Variants in TMEM150A observed in about 807,000 individuals in gnomAD.
TMEM150A encodes transmembrane protein 150A.
TMEM150A carries 18 observed loss-of-function variants against 29.8 expected under a neutral mutation model. The ratio of observed to expected loss-of-function variants is 0.60; its 90% confidence interval spans 0.42 to 0.90. TMEM150A has a LOEUF of 0.90. Among genes scored for constraint, TMEM150A ranks in the 40% least tolerant of loss-of-function variants. The probability of loss-of-function intolerance (pLI) is 0.00; values close to 1 mark genes in which losing one functional copy is unlikely to be tolerated. For synonymous variants in TMEM150A, 127 were observed against 143.6 expected (o/e 0.88, Z 0.83); for missense variants, 251 against 349.7 (o/e 0.72, Z 2.25).
Position 85,602,053 on chromosome 2 carries a change from A to G in TMEM150A, c.-105T>C. On this transcript the variant is annotated 5_prime_UTR_variant, in exon 2 of 8. Transcript: ENST00000334462. The surrounding 1 kb of genome is among the most constrained non-coding windows in gnomAD (Gnocchi z 5.6). ...TTGAGATGTTTCTGCCACAACCATC[A>G]GCTGTCCTGGCCTGGTGGAGAGAGA... The G allele has an allele frequency of 2.0e-6, 2 of 1,015,898 alleles. No homozygotes were observed. Among genetic ancestry groups the G allele is most frequent in the East Asian group, 4.8e-5 (2 of 41,764 alleles). 62.9% of individuals were successfully genotyped at this position (1,015,898 alleles called of 1,614,324 possible).
Position 85,602,010 on chromosome 2 carries a change from G to C in TMEM150A, c.-62C>G. The C allele has an allele frequency of 3.5e-6, 5 of 1,439,238 alleles. No individual in the cohort carries two copies. In the Admixed American group the frequency reaches 6.7e-5, roughly 19 times the overall value. 89.2% of individuals were successfully genotyped at this position (1,439,238 alleles called of 1,614,324 possible). ...GAGGACAAGAGGTAGATGGGGAAGTGGGGGCGGACCAGCTACCTTGAGATG... is the reference window on the plus strand; with the variant it reads ...GAGGACAAGAGGTAGATGGGGAAGTCGGGGCGGACCAGCTACCTTGAGATG... On this transcript the variant is annotated 5_prime_UTR_variant, in exon 2 of 8. Transcript: ENST00000334462. The surrounding 1 kb of genome is among the most constrained non-coding windows in gnomAD (Gnocchi z 5.6).
intron 5 of TMEM150A, 29 bp downstream of exon 5, chr2:85,600,316 G>T: frequency 6.2e-7 from 1 of 1,612,036 alleles, no homozygotes; most frequent in Non-Finnish European, 8.5e-7. Flanking sequence ...GGCTGGGCAC[G>T]CAGGGTCAGG....
chr2:85,599,002 T>C lies in TMEM150A; in HGVS notation c.*74A>G, dbSNP rs1034680723. 1.5e-5 allele frequency: 24 copies of C among 1,564,110 alleles called. No individual in the cohort carries two copies. In the East Asian group the frequency reaches 3.2e-4, roughly 21 times the overall value. Reference sequence around the variant, plus strand: ...ACAGAATACTTTCTCAAAATTGTTTTTGGTACGAAATAAATGGAAAGAAGA... The same window carrying C: ...ACAGAATACTTTCTCAAAATTGTTTCTGGTACGAAATAAATGGAAAGAAGA... On this transcript the variant is annotated 3_prime_UTR_variant, in exon 8 of 8. Transcript: ENST00000334462. The surrounding 1 kb of genome is among the most constrained non-coding windows in gnomAD (Gnocchi z 6.0).
intron 5 of TMEM150A, 92 bp from the exon 6 acceptor site, chr2:85,600,110 C>G (rs988308910): frequency 1.9e-6 from 3 of 1,542,644 alleles, no homozygotes; most frequent in African/African-American, 2.7e-5. Flanking sequence ...GGTGCTCCTG[C>G]CCCTTCTGAG....
rs566810690 is a variant in TMEM150A, at chr2:85,601,981, G to A, written c.-33C>T. The A allele has an allele frequency of 1.1e-5, 18 of 1,611,808 alleles. No homozygotes were observed. Among genetic ancestry groups the A allele is most frequent in the Middle Eastern group, 1.7e-4 (1 of 6,054 alleles). ...GGGAGCCAGGGTGGTGGTGGTGTTG[G>A]GGGGAGGACAAGAGGTAGATGGGGA... On this transcript the variant is annotated 5_prime_UTR_variant, in exon 2 of 8. Transcript: ENST00000334462. The surrounding 1 kb of genome is among the most constrained non-coding windows in gnomAD (Gnocchi z 4.0).
Position 85,599,455 on chromosome 2 carries a change from C to T in TMEM150A, c.574+70G>A. The T allele has an allele frequency of 5.7e-6, 9 of 1,567,840 alleles. No homozygotes were observed. Among genetic ancestry groups the T allele is most frequent in the Non-Finnish European group, 7.8e-6 (9 of 1,157,024 alleles). ...CATGGCAGTGTTAGGCCTCCACCCC[C>T]CATCCTCTTGGGAGGGAGAAAGGTT... On this transcript the variant is annotated intron_variant, in intron 7 of 7. Transcript: ENST00000334462. This position sits in a 1 kb window ranked among gnomAD's most constrained non-coding sequence, Gnocchi z 6.0.
chr2:85,602,085 T>G lies in TMEM150A; in HGVS notation c.-116-21A>C. 1 of 746,406 alleles carries G rather than the reference T, an allele frequency of 1.3e-6. No individual in the cohort carries two copies. The allele number at this position is 746,406 out of a possible 1,614,324, so 46.2% of individuals were successfully genotyped here. On this transcript the variant is annotated intron_variant, in intron 1 of 7. Transcript: ENST00000334462. This position sits in a 1 kb window ranked among gnomAD's most constrained non-coding sequence, Gnocchi z 5.6. ...CTGGCCTGGTGGAGAGAGATCAAAG[T>G]CCAGGAGTGGGTAACTGGCCGGGAA...
In TMEM150A at chr2:85,599,815, C is replaced by A; in HGVS notation, c.396+76G>T. On this transcript the variant is annotated intron_variant, in intron 6 of 7. Transcript: ENST00000334462. This position sits in a 1 kb window ranked among gnomAD's most constrained non-coding sequence, Gnocchi z 6.0. ...TTCCTCTCCCTCTTTCCAGCCCCAA[C>A]CTTGAGGTGCCACACTGCAGGCAGC... 3.1e-6 allele frequency: 5 copies of A among 1,608,276 alleles called. No homozygotes were observed. The highest frequency in any genetic ancestry group is 2.2e-5 in the East Asian group (1 of 44,806).
Position 85,599,324 on chromosome 2 carries a change from C to G in TMEM150A, c.575-7G>C, listed in dbSNP as rs753227104. On this transcript the variant is annotated splice_polypyrimidine_tract_variant and splice_region_variant and intron_variant, in intron 7 of 7. Transcript: ENST00000334462. The surrounding 1 kb of genome is among the most constrained non-coding windows in gnomAD (Gnocchi z 6.0). ...TGGACAAAGAAGACTCCACCTAAAACGAGGCTAAGGAAATGTTCAGTAGGA... is the reference window on the plus strand; with the variant it reads ...TGGACAAAGAAGACTCCACCTAAAAGGAGGCTAAGGAAATGTTCAGTAGGA... 1.9e-6 allele frequency: 3 copies of G among 1,613,770 alleles called. No individual in the cohort carries two copies. Among genetic ancestry groups the G allele is most frequent in the African/African-American group, 2.7e-5 (2 of 75,008 alleles).
intron 5 of TMEM150A, 31 bp from the exon 6 acceptor site, chr2:85,600,049 C>G: frequency 6.2e-7 from 1 of 1,608,792 alleles, no homozygotes; most frequent in African/African-American, 1.3e-5. Context: ...TGAGGCCTTC[C>G]TCCAGCCCTG....
At position 85,599,948 on chromosome 2, in the gene TMEM150A, C is replaced by T. The variant is rs375216147; in HGVS notation, c.339G>A (p.Thr113=). 8.9e-5 allele frequency: 144 copies of T among 1,613,388 alleles called. No individual in the cohort carries two copies. Among genetic ancestry groups the T allele is most frequent in the Non-Finnish European group, 1.1e-4 (130 of 1,179,994 alleles). Residue 113 remains threonine (T), a synonymous_variant, in exon 6 of 8, where the codon ACG becomes ACA. Coordinates refer to ENST00000334462, the MANE Select transcript of TMEM150A (RefSeq NM_001031738.3). The surrounding 1 kb of genome is among the most constrained non-coding windows in gnomAD (Gnocchi z 6.0). ...EQSRHSWVNT[T]ALITGCTNAA... is the part of the protein sequence containing the mutation. The stretch of plus-strand genomic sequence containing the variant: ...CGTTGGTGCAGCCTGTGATGAGTGC[C>T]GTGGTGTTAACCCAAGAGTGCCGAC...
chr2:85,599,297 C>T lies in TMEM150A; in HGVS notation c.595G>A (p.Glu199Lys). The change falls in exon 8 of 8, where the codon GAG (glutamate) becomes AAG (lysine). Residue 199 changes from glutamate (E) to lysine (K), a missense_variant. By Grantham distance (56) the Glu-to-Lys change is moderately conservative. Transcript: ENST00000334462. The surrounding 1 kb of genome is among the most constrained non-coding windows in gnomAD (Gnocchi z 6.0). ...GCCCCATGTTGCAGCTGAGAACTCT[C>T]ATGGACAAAGAAGACTCCACCTAAA... ...LVLSGVFFVH[E>K]SSQLQHGAAL... is the part of the protein sequence containing the mutation. 6.2e-7 allele frequency: 1 copy of T among 1,614,070 alleles called. No homozygotes were observed. Among genetic ancestry groups the T allele is most frequent in the Non-Finnish European group, 8.5e-7 (1 of 1,180,000 alleles).
rs147732397 is a variant in TMEM150A at position 85,599,083 on chromosome 2, A to G, written c.809T>C (p.Met270Thr). The G allele has an allele frequency of 1.9e-6, 3 of 1,613,370 alleles. No individual in the cohort carries two copies. The African/African-American group carries it at 4.0e-5, about 22-fold the overall frequency. ...AGCCACCCTCCCCAGACCTTAGATC[A>G]TAGCGATGCTCTCGGGGGCACAGTT... is the stretch of plus-strand genomic sequence containing the variant. ...HLNCAPESIAMI is the reference protein window; with the variant it reads ...HLNCAPESIATI Residue 270 changes from methionine to threonine, a missense_variant, in exon 8 of 8, where the codon ATG becomes ACG. By Grantham distance (81) the Met-to-Thr change is moderately conservative (BLOSUM62 -1). Transcript: ENST00000334462. The surrounding 1 kb of genome is among the most constrained non-coding windows in gnomAD (Gnocchi z 6.0).
chr2:85,600,241 C>T lies in TMEM150A; in HGVS notation c.268+104G>A. The T allele has an allele frequency of 7.7e-6, 11 of 1,428,546 alleles. No individual in the cohort carries two copies. In the South Asian group the frequency reaches 1.3e-4, roughly 17 times the overall value. The allele number at this position is 1,428,546 out of a possible 1,614,324, so 88.5% of individuals were successfully genotyped here. ...GAAGGGGAGAAGCTGCCTCTATTGC[C>T]TTAGCCCTTGGTGGGGAGGGCTGCA... On this transcript the variant is annotated intron_variant, in intron 5 of 7. Transcript: ENST00000334462.
intron 5 of TMEM150A, 41 bp from the exon 6 acceptor site, chr2:85,600,059 G>C (rs1263813304): frequency 6.2e-7 from 1 of 1,605,222 alleles, no homozygotes; most frequent in East Asian, 2.2e-5. Flanking sequence ...CTCCAGCCCT[G>C]GCCCTGCCCA....
At position 85,602,266 on chromosome 2, in the gene TMEM150A, G is replaced by A. The variant is rs1240555088; in HGVS notation, c.-116-202C>T. 1 of 296,646 alleles carries A rather than the reference G, an allele frequency of 3.4e-6. No homozygotes were observed. Among genetic ancestry groups the A allele is most frequent in the African/African-American group, 2.2e-5 (1 of 45,994 alleles). The allele number at this position is 296,646 out of a possible 1,614,324, so 18.4% of individuals were successfully genotyped here. Reference sequence around the variant, plus strand: ...TGCCACCGGCGTGCTGAGAGACGCAGGCGGACCGTAACATCTGGAAGGGAG... The same window carrying A: ...TGCCACCGGCGTGCTGAGAGACGCAAGCGGACCGTAACATCTGGAAGGGAG... On this transcript the variant is annotated intron_variant, in intron 1 of 7. Transcript: ENST00000334462. The surrounding 1 kb of genome is among the most constrained non-coding windows in gnomAD (Gnocchi z 5.6).
rs1419596205 is a variant in TMEM150A at position 85,599,028 on chromosome 2, T to TATGGG, written c.*43_*47dup. 2 of 1,585,912 alleles carry TATGGG rather than the reference T, an allele frequency of 1.3e-6. No homozygotes were observed. The highest frequency in any genetic ancestry group is 2.2e-5 in the South Asian group (2 of 90,310). On this transcript the variant is annotated 3_prime_UTR_variant, in exon 8 of 8. Transcript: ENST00000334462. This position sits in a 1 kb window ranked among gnomAD's most constrained non-coding sequence, Gnocchi z 6.0. The stretch of plus-strand genomic sequence containing the variant: ...TGGTACGAAATAAATGGAAAGAAGA[T>TATGGG]ATGGGGTGGGGTGCTGTGGAGGCCG...
Position 85,599,838 on chromosome 2 carries a change from A to T in TMEM150A, c.396+53T>A, listed in dbSNP as rs1316281578. The stretch of plus-strand genomic sequence containing the variant: ...AACCTTGAGGTGCCACACTGCAGGC[A>T]GCCAGGCCTTGTTAGGTAAAGTTTA... On this transcript the variant is annotated intron_variant, in intron 6 of 7. Coordinates refer to ENST00000334462, the MANE Select transcript of TMEM150A (RefSeq NM_001031738.3). This position sits in a 1 kb window ranked among gnomAD's most constrained non-coding sequence, Gnocchi z 6.0. The T allele has an allele frequency of 6.2e-7, 1 of 1,611,566 alleles. No individual in the cohort carries two copies. The highest frequency in any genetic ancestry group is 2.2e-5 in the East Asian group (1 of 44,850).
In TMEM150A at chr2:85,601,367, C is replaced by G. The variant is rs752128774; in HGVS notation, c.113+68G>C. On this transcript the variant is annotated intron_variant, in intron 3 of 7. Coordinates refer to ENST00000334462, the MANE Select transcript of TMEM150A (RefSeq NM_001031738.3). This position sits in a 1 kb window ranked among gnomAD's most constrained non-coding sequence, Gnocchi z 4.0. ...GGGTTGCAGTCTGGCTCGTGGCAGC[C>G]TCAGGCCCAAGAGGGGACAGAGATG... 1.3e-6 allele frequency: 2 copies of G among 1,594,840 alleles called. No homozygotes were observed. Among genetic ancestry groups the G allele is most frequent in the South Asian group, 1.1e-5 (1 of 90,650 alleles).
Sources: allele counts gnomAD v4.1 joint callset, GRCh38; gene constraint gnomAD v4.1.1; non-coding constraint Gnocchi (gnomAD v3.1); transcripts MANE v1.5; gene names NCBI Gene and HGNC (gene_info 2026-07-23, HGNC 2026-07-21).